PCDH11Y: variants seen among roughly 807,000 people sequenced by gnomAD.
The protein encoded by PCDH11Y is protocadherin 11 Y-linked, also known as protocadherin-11 Y-linked.
For synonymous variants in PCDH11Y, 9 were observed against 83.6 expected (o/e 0.11, Z 4.87); for missense variants, 12 against 224.8 (o/e 0.05, Z 6.05).
At chrY:5,673,041 A>G (rs2053550925) in intron 4 of PCDH11Y, among the ~76,000 whole-genome samples, 1 of 32,266 alleles carries the variant, frequency 3.1e-5, no homozygotes, top group South Asian at 6.8e-4. Context: ...TTCTAGATAA[A>G]CTTTCAAAAC....
intron 2 of PCDH11Y, among the ~76,000 whole-genome samples, chrY:5,321,423 A>C: frequency 3.0e-5 from 1 of 33,093 alleles, no homozygotes; most frequent in Non-Finnish European, 7.4e-5. Flanking sequence ...CAGCCAAACC[A>C]TATCACATAC....
At chrY:5,134,744 G>T in intron 2 of PCDH11Y, among the ~76,000 whole-genome samples, 3 of 31,747 alleles carry the variant, frequency 9.4e-5, no homozygotes, top group East Asian at 8.5e-4. Flanking sequence ...AAATCGAAGT[G>T]GGGGGGAAAT....
chrY:5,675,519 G>A, intron 4 of PCDH11Y, among the ~76,000 whole-genome samples: 1 of 33,263 alleles, frequency 3.0e-5, no homozygotes, highest in African/African-American at 1.2e-4. Context: ...CAAGTCCAAA[G>A]TCTCATCCAA....
intron 4 of PCDH11Y, among the ~76,000 whole-genome samples, chrY:5,695,319 A>G: frequency 4.0e-5 from 1 of 24,789 alleles, no homozygotes; most frequent in African/African-American, 1.6e-4. Context: ...TTTGGCAGAT[A>G]TATTTTTCTA....
chrY:5,125,813 TAAC>T (rs2052824815), intron 2 of PCDH11Y, among the ~76,000 whole-genome samples: 1 of 33,559 alleles, frequency 3.0e-5, no homozygotes, highest in Admixed American at 2.8e-4. Flanking sequence ...AAAAATGTGA[TAAC>T]AAATATTTTG....
intron 2 of PCDH11Y, among the ~76,000 whole-genome samples, chrY:5,291,488 G>T (rs2053067410): frequency 6.0e-5 from 2 of 33,359 alleles, no homozygotes; most frequent in Non-Finnish European, 1.5e-4. Flanking sequence ...TGAGGTCAAG[G>T]GTTCAAGACC....
At chrY:5,639,601 G>A in intron 4 of PCDH11Y, among the ~76,000 whole-genome samples, 1 of 28,730 alleles carries the variant, frequency 3.5e-5, no homozygotes, top group Non-Finnish European at 8.2e-5. Flanking sequence ...GCTGGTGGAA[G>A]GTCTTACCTC....
intron 2 of PCDH11Y, among the ~76,000 whole-genome samples, chrY:5,333,394 A>G: frequency 3.0e-5 from 1 of 33,377 alleles, no homozygotes; most frequent in Admixed American, 2.8e-4. Flanking sequence ...GTTAAGTAAA[A>G]TGTTCTATTA....
chrY:5,600,655 G>A, intron 4 of PCDH11Y, among the ~76,000 whole-genome samples: 2 of 31,420 alleles, frequency 6.4e-5, no homozygotes, highest in South Asian at 7.4e-4. Context: ...AAAACAGTAC[G>A]GTTGTTAAAT....
At chrY:5,510,778 AT>A (rs2053364053) in intron 3 of PCDH11Y, among the ~76,000 whole-genome samples, 2 of 28,187 alleles carry the variant, frequency 7.1e-5, no homozygotes, top group Non-Finnish European at 1.7e-4. Context: ...GAAGGAGTCA[AT>A]TTTTTTTTTG....
intron 3 of PCDH11Y, chrY:5,573,572 T>C: frequency 3.5e-6 from 1 of 284,100 alleles, no homozygotes; most frequent in South Asian, 3.2e-5. Context: ...TCGCAAATAC[T>C]GTGGACAATG....
At chrY:5,448,364 A>G in intron 2 of PCDH11Y, among the ~76,000 whole-genome samples, 1 of 33,627 alleles carries the variant, frequency 3.0e-5, no homozygotes, top group Non-Finnish European at 7.4e-5. Flanking sequence ...AAATATTAAC[A>G]TTGATCAAAA....
At chrY:5,321,568 G>C (rs2053112690) in intron 2 of PCDH11Y, among the ~76,000 whole-genome samples, 1 of 33,563 alleles carries the variant, frequency 3.0e-5, no homozygotes, top group Non-Finnish European at 7.4e-5. Context: ...ATGTTCATCT[G>C]GTGATGGTGC....
chrY:5,684,621 T>C, intron 4 of PCDH11Y, among the ~76,000 whole-genome samples: 2 of 33,207 alleles, frequency 6.0e-5, no homozygotes, highest in African/African-American at 2.3e-4. Flanking sequence ...GTGATACATA[T>C]ACACAATGAT....
intron 2 of PCDH11Y, among the ~76,000 whole-genome samples, chrY:5,350,910 C>T (rs2053157655): frequency 3.2e-5 from 1 of 31,695 alleles, no homozygotes; most frequent in Admixed American, 3.0e-4. Flanking sequence ...AATGTTCTCT[C>T]GCCGGGAGTG....
At chrY:5,268,292 C>T (rs2124659143) in intron 2 of PCDH11Y, among the ~76,000 whole-genome samples, 1 of 31,934 alleles carries the variant, frequency 3.1e-5, no homozygotes, top group Non-Finnish European at 7.8e-5. Flanking sequence ...TATGTGTAAC[C>T]GCCAGTGTAC....
At chrY:5,254,984 C>T in intron 2 of PCDH11Y, among the ~76,000 whole-genome samples, 1 of 30,223 alleles carries the variant, frequency 3.3e-5, no homozygotes, top group East Asian at 8.5e-4. Context: ...TACAGGTGTG[C>T]AATGCATAAT....
At chrY:5,741,492 C>A (rs2053617491) in exon 5 of PCDH11Y, 1 of 32,286 alleles carries the variant, frequency 3.1e-5, no homozygotes, top group Non-Finnish European at 7.6e-5. Flanking sequence ...TTTATTTATA[C>A]TCTTCTGATT....
At chrY:5,076,686 G>A (rs2052709899) in intron 1 of PCDH11Y, among the ~76,000 whole-genome samples, 27 of 33,314 alleles carry the variant, frequency 8.1e-4, no homozygotes, top group Non-Finnish European at 1.3e-3. Flanking sequence ...TTTCCCCAAT[G>A]TATGTTTTTG....
Sources: allele counts gnomAD v4.1 joint callset (sites outside exome capture counted in the v4.1 genomes callset), GRCh38; gene constraint gnomAD v4.1.1; transcripts MANE v1.5; gene names NCBI Gene and HGNC (gene_info 2026-07-23, HGNC 2026-07-21).